EXOC4: variants seen among roughly 807,000 people sequenced by gnomAD.
EXOC4 encodes the protein SEC8-like 1.
Under a neutral mutation model 107.2 loss-of-function variants are expected in EXOC4, and 71 were observed. The ratio of observed to expected loss-of-function variants is 0.66; its 90% CI spans 0.55 to 0.81. The LOEUF is 0.81. EXOC4 is among the 30% of genes least tolerant of loss of function. The pLI is 0.00. For missense variants in EXOC4, 1,108 were observed against 1,189.6 expected (o/e 0.93, Z 1.01); for synonymous variants, 456 against 441.2 (o/e 1.03, Z -0.42).
chr7:133,847,350 G>A (rs1798147514), intron 11 of EXOC4, among the ~76,000 whole-genome samples: 1 of 151,088 alleles, frequency 6.6e-6, no homozygotes, highest in Non-Finnish European at 1.5e-5. Flanking sequence ...TAGAGGGGGA[G>A]AGGATTAGGA....
intron 14 of EXOC4, among the ~76,000 whole-genome samples, chr7:133,969,214 A>G (rs1320113276): frequency 6.6e-6 from 1 of 152,116 alleles, no homozygotes; most frequent in Non-Finnish European, 1.5e-5. Context: ...TCTTCTCTAA[A>G]CTGGTTATTC....
chr7:133,880,545 C>T lies in EXOC4; in HGVS notation c.1735-15054C>T, dbSNP rs1187661367. On this transcript the variant is annotated intron_variant, in intron 11 of 17. Transcript: ENST00000253861. ...ACTTAGCCGTAGAGTTGCATTGATT[C>T]AAAATACGTAAGTCAACAATTACTA... Among the ~76,000 whole-genome samples, 3 of 152,130 alleles carry T rather than the reference C, an allele frequency of 2.0e-5. No individual in the cohort carries two copies. The East Asian group carries it at 5.8e-4, about 29-fold the overall frequency.
chr7:133,912,503 T>C (rs1427531578), intron 12 of EXOC4, among the ~76,000 whole-genome samples: 3 of 152,228 alleles, frequency 2.0e-5, no homozygotes, highest in Non-Finnish European at 4.4e-5. Flanking sequence ...TTGATTTGGT[T>C]AAATACCAAA....
intron 9 of EXOC4, among the ~76,000 whole-genome samples, chr7:133,538,104 C>G (rs1378735597): frequency 2.0e-5 from 3 of 152,124 alleles, no homozygotes; most frequent in African/African-American, 7.2e-5. Context: ...GCCCAAGACC[C>G]TATAACAGGC....
At chr7:133,773,188 A>G (rs1333164670) in intron 10 of EXOC4, among the ~76,000 whole-genome samples, 2 of 151,938 alleles carry the variant, frequency 1.3e-5, no homozygotes, top group Non-Finnish European at 2.9e-5. Flanking sequence ...GCCACCCAGT[A>G]CATTTGTTTC....
chr7:133,866,034 G>T (rs943105334), intron 11 of EXOC4, among the ~76,000 whole-genome samples: 2 of 152,090 alleles, frequency 1.3e-5, no homozygotes, highest in African/African-American at 4.8e-5. Flanking sequence ...TATTTATGAA[G>T]GGGGACATAT....
chr7:133,467,072 T>C (rs1253869330), intron 7 of EXOC4, among the ~76,000 whole-genome samples: 1 of 152,170 alleles, frequency 6.6e-6, no homozygotes, highest in African/African-American at 2.4e-5. Context: ...TCACATTATG[T>C]ATTTCAAGTT....
At chr7:133,276,701 C>T (rs1276737139) in intron 2 of EXOC4, among the ~76,000 whole-genome samples, 1 of 152,176 alleles carries the variant, frequency 6.6e-6, no homozygotes, top group Non-Finnish European at 1.5e-5. Context: ...GTTTAAAATT[C>T]ACTGCCCTGT....
chr7:133,877,340 C>T (rs1315266728), intron 11 of EXOC4, among the ~76,000 whole-genome samples: 1 of 152,120 alleles, frequency 6.6e-6, no homozygotes, highest in Admixed American at 6.5e-5. Context: ...TTATTGGATG[C>T]TAGACATGCG....
At chr7:133,923,534 G>A (rs910342632) in intron 13 of EXOC4, among the ~76,000 whole-genome samples, 5 of 151,948 alleles carry the variant, frequency 3.3e-5, no homozygotes, top group Non-Finnish European at 5.9e-5. Flanking sequence ...TTATGCACAC[G>A]TATTTATTGG....
chr7:133,813,485 A>G (rs1156409644), intron 10 of EXOC4, among the ~76,000 whole-genome samples: 1 of 152,232 alleles, frequency 6.6e-6, no homozygotes, highest in African/African-American at 2.4e-5. Flanking sequence ...GCAAATTAAT[A>G]ACAGTGGTTT....
intron 11 of EXOC4, among the ~76,000 whole-genome samples, chr7:133,826,608 T>G (rs1797708737): frequency 1.3e-5 from 2 of 152,128 alleles, no homozygotes; most frequent in African/African-American, 2.4e-5. Context: ...TTCATAATTA[T>G]TATTAGTGGT....
At chr7:133,496,660 G>A (rs1799482285) in intron 9 of EXOC4, among the ~76,000 whole-genome samples, 1 of 152,050 alleles carries the variant, frequency 6.6e-6, no homozygotes, top group Non-Finnish European at 1.5e-5. Context: ...TTGGCCAGTG[G>A]TTTTCTATTT....
chr7:133,923,128 C>A (rs1201824850), intron 13 of EXOC4, among the ~76,000 whole-genome samples: 1 of 126,524 alleles, frequency 7.9e-6, no homozygotes, highest in Non-Finnish European at 1.6e-5. Flanking sequence ...AGAGTTTACA[C>A]TTTTTTTTTT....
intron 3 of EXOC4, among the ~76,000 whole-genome samples, chr7:133,294,699 G>A (rs1794479937): frequency 1.3e-5 from 2 of 152,104 alleles, no homozygotes; most frequent in African/African-American, 4.8e-5. Flanking sequence ...CTTACACTGT[G>A]TAAATGTGGC....
chr7:133,514,494 T>C (rs971516540), intron 9 of EXOC4, among the ~76,000 whole-genome samples: 1 of 152,130 alleles, frequency 6.6e-6, no homozygotes, highest in Admixed American at 6.5e-5. Flanking sequence ...CAAGTAACTT[T>C]CTTTTTCTCC....
intron 7 of EXOC4, among the ~76,000 whole-genome samples, chr7:133,438,639 C>T (rs1488893485): frequency 6.6e-6 from 1 of 152,254 alleles, no homozygotes; most frequent in African/African-American, 2.4e-5. Context: ...CCAAACATCC[C>T]AAGTTTTAAT....
intron 13 of EXOC4, among the ~76,000 whole-genome samples, chr7:133,937,414 C>G (rs577879245): frequency 1.3e-5 from 2 of 152,346 alleles, no homozygotes; most frequent in East Asian, 3.9e-4. Context: ...GTAACCTCCT[C>G]TTTTAAAGAG....
chr7:133,308,823 T>C (rs1794808903), intron 4 of EXOC4, among the ~76,000 whole-genome samples: 1 of 152,162 alleles, frequency 6.6e-6, no homozygotes, highest in South Asian at 2.1e-4. Context: ...AGATAATTAT[T>C]TGCCCACCCA....
Sources: allele counts gnomAD v4.1 joint callset (sites outside exome capture counted in the v4.1 genomes callset), GRCh38; gene constraint gnomAD v4.1.1; transcripts MANE v1.5; gene names NCBI Gene and HGNC (gene_info 2026-07-23, HGNC 2026-07-21).